ZNF687: variants seen among roughly 807,000 people sequenced by gnomAD.
ZNF687 encodes zinc finger protein 687.
In ZNF687, 13 loss-of-function variants were observed where a neutral mutation model predicts 71.8. The observed-to-expected ratio is 0.18, with a 90% CI of 0.12 to 0.29. The LOEUF (loss-of-function observed/expected upper bound fraction) is 0.29. ZNF687 is among the 10% of genes least tolerant of loss of function. The probability of loss-of-function intolerance (pLI) is 1.00; values close to 1 mark genes in which losing one functional copy is unlikely to be tolerated. For missense variants in ZNF687, 1,412 were observed against 1,625.6 expected (o/e 0.87, Z 2.26); for synonymous variants, 673 against 641.6 (o/e 1.05, Z -0.74).
At chr1:151,289,028 G>A in intron 3 of ZNF687, 67 bp from the exon 4 acceptor site, 1 of 1,523,564 alleles carries the variant, frequency 6.6e-7, no homozygotes, top group South Asian at 1.2e-5. Flanking sequence ...GAGAATAAAT[G>A]TATGGTCCCG....
At chr1:151,281,870 G>C, upstream of ZNF687, 1 of 443,328 alleles carries the variant, frequency 2.3e-6, no homozygotes, top group South Asian at 2.0e-5. Flanking sequence ...CACAGAAGCT[G>C]GGTTCCTTAC....
In ZNF687 at chr1:151,287,521, T is replaced by C; in HGVS notation, c.1230T>C (p.Ser410=). The change falls in exon 2 of 9, where the codon AGT becomes AGC. Residue 410 remains serine (S), a synonymous_variant. Transcript: ENST00000336715. The surrounding 1 kb of genome is among the most constrained non-coding windows in gnomAD (Gnocchi z 5.0). ...CTGTGGCCACCATCCAGAACGCCAG[T>C]ACTGCCATGCTGATGGCAGCCAGTG... ...VLPVATIQNA[S]TAMLMAASVA... is the part of the protein sequence containing the mutation. 6.2e-7 allele frequency: 1 copy of C among 1,614,112 alleles called. No homozygotes were observed.
chr1:151,290,223 T>C lies in ZNF687; in HGVS notation c.3066T>C (p.Val1022=), dbSNP rs1557774498. The C allele has an allele frequency of 1.9e-6, 3 of 1,613,954 alleles. No individual in the cohort carries two copies. The highest frequency in any genetic ancestry group is 3.3e-5 in the Admixed American group (2 of 60,024). The part of the protein sequence containing the change: ...VRVNHEGIKR[V]YPCRYCTEGK... ...TTAATCACGAGGGCATCAAGCGAGT[T>C]TACCCCTGCAGGTAAGTCTTGCTCC... The change falls in exon 7 of 9, where the codon GTT becomes GTC. Residue 1022 remains valine, a synonymous_variant. Transcript: ENST00000336715.
rs1694092469 is a variant in ZNF687 at position 151,289,289 on chromosome 1, G to A, written c.2471+18G>A. 1 of 1,612,798 alleles carries A rather than the reference G, an allele frequency of 6.2e-7. No individual in the cohort carries two copies. Among genetic ancestry groups the A allele is most frequent in the African/African-American group, 1.3e-5 (1 of 74,926 alleles). On this transcript the variant is annotated intron_variant, in intron 4 of 8. Coordinates refer to ENST00000336715, the MANE Select transcript of ZNF687 (RefSeq NM_020832.3). ...CAGGCCAAGTGAGGCCCGGGGGAGG[G>A]CCGGGCTGGGCCAGGGAGGGCTGGT... is the stretch of plus-strand genomic sequence containing the variant.
Position 151,288,399 on chromosome 1 carries a change from C to T in ZNF687, c.2108C>T (p.Thr703Ile). The part of the protein sequence containing the change: ...QQLGPPAPGA[T>I]SNVCPTCPMM... ...CTCGGCCCCCCTGCCCCTGGGGCCACCAGCAATGTGAGTCACCTTTCACAG... is the reference window on the plus strand; with the variant it reads ...CTCGGCCCCCCTGCCCCTGGGGCCATCAGCAATGTGAGTCACCTTTCACAG... The change falls in exon 2 of 9, where the codon ACC (threonine) becomes ATC (isoleucine). Residue 703 changes from threonine to isoleucine, a missense_variant. This residue lies in a region of ZNF687 where 207 missense variants were observed against 239.2 expected (regional missense o/e 0.87). Coordinates refer to ENST00000336715, the MANE Select transcript of ZNF687 (RefSeq NM_020832.3). 1.2e-6 allele frequency: 2 copies of T among 1,603,790 alleles called. No homozygotes were observed. The highest frequency in any genetic ancestry group is 1.7e-6 in the Non-Finnish European group (2 of 1,175,642).
In ZNF687 at chr1:151,291,371, T is replaced by C; in HGVS notation, c.*162T>C. 2 of 1,020,714 alleles carry C rather than the reference T, an allele frequency of 2.0e-6. No homozygotes were observed. The highest frequency in any genetic ancestry group is 3.2e-5 in the African/African-American group (2 of 61,736). 63.2% of individuals were successfully genotyped at this position (1,020,714 alleles called of 1,614,324 possible). A position where few individuals can be genotyped will look rare whatever the true frequency, so the allele number is the denominator to read the frequency against. ...AGCATTTGAGGATTATTCTAGTTAT[T>C]TGCAACCTCCCTTTGGGTTTGGCCC... On this transcript the variant is annotated 3_prime_UTR_variant, in exon 9 of 9. Transcript: ENST00000336715.
Position 151,289,883 on chromosome 1 carries a change from A to G in ZNF687, c.2840A>G (p.Glu947Gly), listed in dbSNP as rs1571104465. Residue 947 changes from glutamate to glycine, a missense_variant, in exon 6 of 9, where the codon GAA (glutamate) becomes GGA (glycine). Glu to Gly is a moderately conservative substitution (Grantham distance 98). Around this residue, in one of 8 missense-constraint regions of ZNF687, gnomAD observed 135 missense variants for 104.1 expected, o/e 1.30. Transcript: ENST00000336715. ...PPRPAKRPRR[E>G]LGSKGLKGGG... ...CGTCCAGCCAAACGGCCTCGGCGGG[A>G]ACTAGGGAGCAAAGGCCTCAAGGGT... 6.4e-7 allele frequency: 1 copy of G among 1,562,246 alleles called. No individual in the cohort carries two copies. Among genetic ancestry groups the G allele is most frequent in the Non-Finnish European group, 8.7e-7 (1 of 1,152,466 alleles).
intron 1 of ZNF687, chr1:151,285,595 G>A (rs1377122612): frequency 1.3e-5 from 2 of 152,150 alleles, no homozygotes; most frequent in Non-Finnish European, 2.9e-5. Flanking sequence ...TGTATTTTTA[G>A]TAGAGACGGG....
rs771476616 is a variant in ZNF687 at position 151,286,656 on chromosome 1, G to A, written c.365G>A (p.Arg122Gln). The A allele has an allele frequency of 8.7e-6, 14 of 1,614,192 alleles. No homozygotes were observed. Among genetic ancestry groups the A allele is most frequent in the Middle Eastern group, 3.3e-4 (2 of 6,062 alleles). ...AAAGAAGGGCCTGTGGGGCCTCATCGAATGCAGAATGGTTTTGGGAGCCCT... is the reference window on the plus strand; with the variant it reads ...AAAGAAGGGCCTGTGGGGCCTCATCAAATGCAGAATGGTTTTGGGAGCCCT... ...VTKEGPVGPH[R>Q]MQNGFGSPEP... Residue 122 changes from arginine (R) to glutamine (Q), a missense_variant, in exon 2 of 9, where the codon CGA becomes CAA. By Grantham distance (43) the Arg-to-Gln change is conservative. Around this residue, in one of 8 missense-constraint regions of ZNF687, gnomAD observed 490 missense variants for 489.9 expected, o/e 1.00. Coordinates refer to ENST00000336715, the MANE Select transcript of ZNF687 (RefSeq NM_020832.3).
At chr1:151,289,585 C>T in intron 5 of ZNF687, 45 bp downstream of exon 5, 1 of 1,612,460 alleles carries the variant, frequency 6.2e-7, no homozygotes, top group East Asian at 2.2e-5. Context: ...GCTGTACTGA[C>T]CTGGGGCTGG....
rs1051852927 is a variant in ZNF687 at position 151,282,421 on chromosome 1, G to A, written c.-18+26G>A. On this transcript the variant is annotated intron_variant, in intron 1 of 8. Coordinates refer to ENST00000336715, the MANE Select transcript of ZNF687 (RefSeq NM_020832.3). Reference sequence around the variant, plus strand: ...GTAAGCGTGCCTGGGGTAAATACCCGCCCTTGGCTCCGCCCCCTTGGGGGG... The same window carrying A: ...GTAAGCGTGCCTGGGGTAAATACCCACCCTTGGCTCCGCCCCCTTGGGGGG... 61 of 986,040 alleles carry A rather than the reference G, an allele frequency of 6.2e-5. No homozygotes were observed. In the Admixed American group the frequency reaches 9.8e-4, roughly 16 times the overall value. The allele number at this position is 986,040 out of a possible 1,614,324, so 61.1% of individuals were successfully genotyped here.
Position 151,282,369 on chromosome 1 carries a change from T to C in ZNF687, c.-44T>C. 1 of 991,030 alleles carries C rather than the reference T, an allele frequency of 1.0e-6. No homozygotes were observed. The highest frequency in any genetic ancestry group is 4.3e-5 in the South Asian group (1 of 23,454). The allele number at this position is 991,030 out of a possible 1,614,324, so 61.4% of individuals were successfully genotyped here. On this transcript the variant is annotated 5_prime_UTR_variant, in exon 1 of 9. Transcript: ENST00000336715. ...CTGGAGCGGGGTAGAGACCGCCGGG[T>C]CTCGGCCCGCACCAGGAGCGGAACA...
At chr1:151,285,665 G>GCCT (rs1312137467) in intron 1 of ZNF687, 1 of 152,402 alleles carries the variant, frequency 6.6e-6, no homozygotes, top group Non-Finnish European at 1.5e-5. Flanking sequence ...GCCCGCCTCT[G>GCCT]CCTCCCCAAG....
chr1:151,282,670 C>T (rs1693766110), intron 1 of ZNF687, among the ~76,000 whole-genome samples: 1 of 152,180 alleles, frequency 6.6e-6, no homozygotes, highest in African/African-American at 2.4e-5. Flanking sequence ...ACCCGAAGTG[C>T]GGCCCGGAGA....
At chr1:151,288,950 CCT>C (rs1694074129) in intron 3 of ZNF687, 143 bp from the exon 4 acceptor site, 11 of 1,028,462 alleles carry the variant, frequency 1.1e-5, no homozygotes, top group Non-Finnish European at 1.5e-5. Flanking sequence ...AGCCTCTGCA[CCT>C]CTCTCCTTTC....
In ZNF687 at chr1:151,287,991, C is replaced by T. The variant is rs1173164099; in HGVS notation, c.1700C>T (p.Ala567Val). Residue 567 changes from alanine to valine, a missense_variant, in exon 2 of 9, where the codon GCC becomes GTC. This residue lies in a region of ZNF687 where 50 missense variants were observed against 106.6 expected (regional missense o/e 0.47). Coordinates refer to ENST00000336715, the MANE Select transcript of ZNF687 (RefSeq NM_020832.3). The surrounding 1 kb of genome is among the most constrained non-coding windows in gnomAD (Gnocchi z 5.0). The stretch of plus-strand genomic sequence containing the variant: ...ATCGAGGTCACCTGCAACCACTGCG[C>T]CCGCCGCCTGGTCTTCTTCAACAAG... ...MRIEVTCNHC[A>V]RRLVFFNKCS... 6.2e-7 allele frequency: 1 copy of T among 1,613,894 alleles called. No homozygotes were observed. The highest frequency in any genetic ancestry group is 1.3e-5 in the African/African-American group (1 of 74,910).
At chr1:151,282,620 G>A (rs146620923) in intron 1 of ZNF687, among the ~76,000 whole-genome samples, 2,342 of 152,314 alleles carry the variant, frequency 0.015, 68 homozygotes, top group African/African-American at 0.053. Flanking sequence ...CCCCAGGAGG[G>A]TCGAGAACCC....
At position 151,287,893 on chromosome 1, in the gene ZNF687, C is replaced by T; in HGVS notation, c.1602C>T (p.Arg534=). 1 of 1,613,942 alleles carries T rather than the reference C, an allele frequency of 6.2e-7. No individual in the cohort carries two copies. Among genetic ancestry groups the T allele is most frequent in the African/African-American group, 1.3e-5 (1 of 75,048 alleles). ...TGGCCCTGCCTCCCACCGGCTACCG[C>T]TGCCTGGAGTGTGGGGATGCCTTCT... is the stretch of plus-strand genomic sequence containing the variant. ...AGLALPPTGY[R]CLECGDAFSL... The change falls in exon 2 of 9, where the codon CGC becomes CGT. Residue 534 remains arginine (R), a synonymous_variant. Coordinates refer to ENST00000336715, the MANE Select transcript of ZNF687 (RefSeq NM_020832.3). The surrounding 1 kb of genome is among the most constrained non-coding windows in gnomAD (Gnocchi z 5.0).
Position 151,286,632 on chromosome 1 carries a change from A to C in ZNF687, c.341A>C (p.Lys114Thr). ...GDGAQAAGVTKEGPVGPHRMQ... is the reference protein window; with the variant it reads ...GDGAQAAGVTTEGPVGPHRMQ... ...GGGGCCCAGGCTGCTGGGGTAACTAAAGAAGGGCCTGTGGGGCCTCATCGA... is the reference window on the plus strand; with the variant it reads ...GGGGCCCAGGCTGCTGGGGTAACTACAGAAGGGCCTGTGGGGCCTCATCGA... Residue 114 changes from lysine to threonine, a missense_variant, in exon 2 of 9, where the codon AAA (lysine) becomes ACA (threonine). Lys to Thr is a moderately conservative substitution (Grantham distance 78, BLOSUM62 -1). Around this residue, in one of 8 missense-constraint regions of ZNF687, gnomAD observed 490 missense variants for 489.9 expected, o/e 1.00. Transcript: ENST00000336715. 1 of 1,614,192 alleles carries C rather than the reference A, an allele frequency of 6.2e-7. No homozygotes were observed. The highest frequency in any genetic ancestry group is 8.5e-7 in the Non-Finnish European group (1 of 1,180,020).
Sources: gnomAD v4.1 joint callset for allele counts (sites outside exome capture counted in the v4.1 genomes callset) on GRCh38, gnomAD v4.1.1 for gene constraint, gnomAD v4.1.1 regional missense constraint, Gnocchi (gnomAD v3.1) non-coding constraint, MANE v1.5 for transcripts, NCBI Gene and HGNC (gene_info 2026-07-23, HGNC 2026-07-21) for gene names.